GABRB3: variants seen among roughly 807,000 people sequenced by gnomAD.
GABRB3 encodes the protein gamma-aminobutyric acid receptor subunit beta-3.
A neutral mutation model predicts 52.1 loss-of-function variants in GABRB3; 14 were observed. That is an observed-to-expected ratio of 0.27 (90% CI 0.18 to 0.42). The LOEUF (loss-of-function observed/expected upper bound fraction) is 0.42, where lower values mean the gene tolerates loss of function less well. Among genes scored for constraint, GABRB3 ranks in the 10% least tolerant of loss-of-function variants. GABRB3 has a pLI of 1.00. For missense variants in GABRB3, 307 were observed against 609.1 expected (o/e 0.50, Z 5.22); for synonymous variants, 260 against 232.3 (o/e 1.12, Z -1.08).
At chr15:26,677,129 T>A (rs903404332) in intron 3 of GABRB3, among the ~76,000 whole-genome samples, 3 of 152,126 alleles carry the variant, frequency 2.0e-5, no homozygotes, top group Admixed American at 6.5e-5. Flanking sequence ...TTCTTTGGCC[T>A]CATCTAAAAC....
At chr15:26,553,459 G>A (rs979943593) in intron 8 of GABRB3, 42 of 152,092 alleles carry the variant, frequency 2.8e-4, no homozygotes, top group African/African-American at 9.7e-4. Context: ...CGCAGAATTT[G>A]TTCTTTTCAA....
At chr15:26,749,638 C>T (rs915152976) in intron 3 of GABRB3, among the ~76,000 whole-genome samples, 1 of 152,076 alleles carries the variant, frequency 6.6e-6, no homozygotes, top group Non-Finnish European at 1.5e-5. Context: ...ACTGCTGAAA[C>T]GAGGAGGAAG....
At chr15:26,599,215 A>G (rs951073175) in intron 4 of GABRB3, among the ~76,000 whole-genome samples, 22 of 152,312 alleles carry the variant, frequency 1.4e-4, no homozygotes, top group African/African-American at 4.8e-4. Flanking sequence ...AGTCCACTCA[A>G]TGACCCCACC....
At chr15:26,636,980 C>T (rs1261737082) in intron 3 of GABRB3, among the ~76,000 whole-genome samples, 4 of 152,164 alleles carry the variant, frequency 2.6e-5, no homozygotes, top group East Asian at 1.9e-4. Context: ...TTCTCTCCCA[C>T]GGTCTTGTTC....
chr15:26,677,371 T>C (rs1357472192), intron 3 of GABRB3, among the ~76,000 whole-genome samples: 2 of 152,240 alleles, frequency 1.3e-5, no homozygotes, highest in Non-Finnish European at 2.9e-5. Context: ...TGATAACTTT[T>C]AAAGTCCTCT....
chr15:26,673,611 G>A (rs559059858), intron 3 of GABRB3, among the ~76,000 whole-genome samples: 134 of 152,322 alleles, frequency 8.8e-4, no homozygotes, highest in African/African-American at 3.2e-3. Flanking sequence ...CAGCATGGCT[G>A]TGAAAGCAGT....
chr15:26,602,146 A>G (rs975966090), intron 4 of GABRB3, among the ~76,000 whole-genome samples: 2 of 152,190 alleles, frequency 1.3e-5, no homozygotes, highest in Non-Finnish European at 2.9e-5. Context: ...TAGACAAAAC[A>G]TATAAGAAGA....
intron 4 of GABRB3, among the ~76,000 whole-genome samples, chr15:26,584,557 G>A (rs1407727894): frequency 2.6e-5 from 4 of 152,110 alleles, no homozygotes; most frequent in Admixed American, 2.6e-4. Context: ...CCAAAATTGG[G>A]TGGGTAAGTT....
chr15:26,602,771 C>A (rs1891636574), intron 4 of GABRB3, among the ~76,000 whole-genome samples: 1 of 151,824 alleles, frequency 6.6e-6, no homozygotes, highest in South Asian at 2.1e-4. Flanking sequence ...GCAGTAAGTA[C>A]TAAAAGGGAA....
chr15:26,695,909 G>A (rs1351999675), intron 3 of GABRB3, among the ~76,000 whole-genome samples: 1 of 152,174 alleles, frequency 6.6e-6, no homozygotes, highest in Non-Finnish European at 1.5e-5. Flanking sequence ...CAGGCATGGA[G>A]AGGCAATTTG....
upstream of GABRB3, among the ~76,000 whole-genome samples, chr15:26,773,256 G>A (rs1159789314): frequency 9.3e-5 from 14 of 150,226 alleles, no homozygotes; most frequent in Non-Finnish European, 1.9e-4. Flanking sequence ...CGAGGCCGGG[G>A]CCCTGGGCGC....
intron 3 of GABRB3, 187 bp downstream of exon 3, chr15:26,772,215 C>T (rs1891166909): frequency 4.0e-6 from 2 of 505,706 alleles, no homozygotes; most frequent in Non-Finnish European, 6.8e-6. Context: ...GCCAGGCCCC[C>T]GAGCGCCCGG....
chr15:26,737,876 C>CATTTCAA (rs1273459654), intron 3 of GABRB3, among the ~76,000 whole-genome samples: 1 of 152,104 alleles, frequency 6.6e-6, no homozygotes, highest in East Asian at 1.9e-4. Flanking sequence ...GTGTAATATT[C>CATTTCAA]TATCGTTTCA....
rs533178566 is a variant in GABRB3 at position 26,642,912 on chromosome 15, G to A, written c.241-21378C>T. Among the ~76,000 whole-genome samples, 12 of 151,958 alleles carry A rather than the reference G, an allele frequency of 7.9e-5. No individual in the cohort carries two copies. The South Asian group carries it at 2.1e-3, about 26-fold the overall frequency. On this transcript the variant is annotated intron_variant, in intron 3 of 8. Transcript: ENST00000311550. ...AGTCCACAGCTTGGGGGTTGATTTC[G>A]CTACTACACCGGTATTGCCAGTCTG...
intron 3 of GABRB3, among the ~76,000 whole-genome samples, chr15:26,728,460 T>C (rs1218660328): frequency 6.6e-6 from 1 of 152,106 alleles, no homozygotes; most frequent in Non-Finnish European, 1.5e-5. Context: ...ACTATAAGGA[T>C]GCACATCACT....
chr15:26,552,325 C>T (rs1000016919), intron 8 of GABRB3, among the ~76,000 whole-genome samples: 5 of 152,132 alleles, frequency 3.3e-5, no homozygotes. Context: ...TGCATCTGTC[C>T]TTTCTGTTTT....
chr15:26,579,323 AC>A (rs1435830825), intron 6 of GABRB3, among the ~76,000 whole-genome samples: 1 of 152,088 alleles, frequency 6.6e-6, no homozygotes, highest in Non-Finnish European at 1.5e-5. Context: ...GTGGAGATGC[AC>A]CCCAGCCACT....
At chr15:26,650,826 G>A (rs1349889670) in intron 3 of GABRB3, among the ~76,000 whole-genome samples, 1 of 152,082 alleles carries the variant, frequency 6.6e-6, no homozygotes, top group Non-Finnish European at 1.5e-5. Context: ...TTGGTAGATG[G>A]GGAGATGGTT....
At chr15:26,565,983 T>C (rs981347) in intron 7 of GABRB3, among the ~76,000 whole-genome samples, 116,722 of 152,124 alleles carry the variant, frequency 0.77, 44,931 homozygotes, top group East Asian at 0.92. Context: ...TAGATCTGCC[T>C]CTACAAATGT....
Sources: gnomAD v4.1 joint callset for allele counts (sites outside exome capture counted in the v4.1 genomes callset) on GRCh38, gnomAD v4.1.1 for gene constraint, MANE v1.5 for transcripts, NCBI Gene and HGNC (gene_info 2026-07-23, HGNC 2026-07-21) for gene names.